PKD1L3: variants seen among roughly 807,000 people sequenced by gnomAD.
PKD1L3 encodes polycystin 1 like 3, transient receptor potential channel interacting.
A neutral mutation model predicts 184.1 loss-of-function variants in PKD1L3; 239 were observed. The observed-to-expected ratio is 1.30, with a 90% CI of 1.17 to 1.45. The LOEUF (loss-of-function observed/expected upper bound fraction) is 1.45. PKD1L3 is among the 40% of genes most tolerant of loss of function. PKD1L3 has a pLI of 0.00. For missense variants in PKD1L3, 2,660 were observed against 2,067.2 expected, an observed-to-expected ratio of 1.29 and a Z score of -5.56; for synonymous variants, 996 against 778.8, an observed-to-expected ratio of 1.28 and a Z score of -4.64.
intron 16 of PKD1L3, among the ~76,000 whole-genome samples, chr16:71,955,448 A>G (rs962400737): frequency 6.6e-6 from 1 of 152,100 alleles, no homozygotes; most frequent in African/African-American, 2.4e-5. Context: ...AACAAACAAA[A>G]AAAGGGGTGT....
chr16:71,986,905 A>G (rs116282072), intron 4 of PKD1L3, among the ~76,000 whole-genome samples: 1,526 of 143,068 alleles, frequency 0.011, 29 homozygotes, highest in African/African-American at 0.038. Flanking sequence ...GTTCAGTGGT[A>G]AGGAGAGGAT....
chr16:71,987,173 T>A (rs895378646), intron 4 of PKD1L3, among the ~76,000 whole-genome samples: 1 of 151,816 alleles, frequency 6.6e-6, no homozygotes, highest in African/African-American at 2.4e-5. Flanking sequence ...TCCACCCACC[T>A]TGGCCTCCCA....
intron 16 of PKD1L3, among the ~76,000 whole-genome samples, chr16:71,958,194 C>A (rs867479406): frequency 6.6e-6 from 1 of 150,852 alleles, no homozygotes; most frequent in Non-Finnish European, 1.5e-5. Flanking sequence ...GAGACCATCC[C>A]GGCTAAAACG....
chr16:71,983,027 G>A (rs978669850), intron 6 of PKD1L3, among the ~76,000 whole-genome samples: 2 of 152,174 alleles, frequency 1.3e-5, no homozygotes, highest in African/African-American at 4.8e-5. Flanking sequence ...CTATAAGGGA[G>A]GATTCATATT....
At chr16:71,958,918 C>A (rs71386942) in intron 16 of PKD1L3, among the ~76,000 whole-genome samples, 28,963 of 149,280 alleles carry the variant, frequency 0.19, 3,485 homozygotes, top group Non-Finnish European at 0.27. Flanking sequence ...GAAACGCCGT[C>A]TCTAATAAAA....
rs1269629498 is a variant in PKD1L3, at chr16:71,977,484, T to G, written c.1528-17A>C. 6.6e-7 allele frequency: 1 copy of G among 1,509,496 alleles called. No homozygotes were observed. The allele number at this position is 1,509,496 out of a possible 1,614,324, so 93.5% of individuals were successfully genotyped here. ...GAGCATGATCTAGAATAAGAGACAG[T>G]TAATCATTATAATGGTCCATCCATT... On this transcript the variant is annotated splice_polypyrimidine_tract_variant and intron_variant, in intron 10 of 29. Transcript: ENST00000620267.
At chr16:71,961,374 C>T (rs182594024) in intron 16 of PKD1L3, among the ~76,000 whole-genome samples, 1 of 152,262 alleles carries the variant, frequency 6.6e-6, no homozygotes, top group East Asian at 1.9e-4. Context: ...CTGCCCACCT[C>T]AGCCTCCCAA....
intron 28 of PKD1L3, 105 bp from the exon 29 acceptor site, chr16:71,930,288 T>C (rs2037894157): frequency 8.2e-7 from 1 of 1,219,538 alleles, no homozygotes; most frequent in Non-Finnish European, 1.1e-6. Context: ...GAAAAGCTTA[T>C]CCGAAGGAAA....
At chr16:71,959,420 C>T (rs2039183685) in intron 16 of PKD1L3, among the ~76,000 whole-genome samples, 2 of 151,828 alleles carry the variant, frequency 1.3e-5, no homozygotes, top group East Asian at 1.9e-4. Flanking sequence ...CAAAAACCAA[C>T]CAACTAAACA....
intron 4 of PKD1L3, among the ~76,000 whole-genome samples, chr16:71,988,642 A>T (rs2040472411): frequency 6.6e-6 from 1 of 152,190 alleles, no homozygotes; most frequent in South Asian, 2.1e-4. Flanking sequence ...TTCCAGCAAC[A>T]TATTATAGGG....
intron 4 of PKD1L3, among the ~76,000 whole-genome samples, chr16:71,987,225 G>A (rs1238115508): frequency 2.0e-5 from 3 of 148,280 alleles, no homozygotes; most frequent in Non-Finnish European, 4.5e-5. Flanking sequence ...ACCCGGCTGA[G>A]GAGAGGATTT....
intron 4 of PKD1L3, among the ~76,000 whole-genome samples, chr16:71,989,859 G>C (rs1270828345): frequency 6.6e-6 from 1 of 152,176 alleles, no homozygotes; most frequent in Admixed American, 6.5e-5. Context: ...TGAATTGCTT[G>C]AGGTCAGGAG....
At chr16:71,968,072 A>C in intron 13 of PKD1L3, 65 bp from the exon 14 acceptor site, 1 of 1,307,316 alleles carries the variant, frequency 7.6e-7, no homozygotes, top group Non-Finnish European at 1.1e-6. Context: ...TGCCTCCTCC[A>C]GCTGAGGAGC....
At chr16:71,995,139 C>T (rs1177447997) in intron 2 of PKD1L3, among the ~76,000 whole-genome samples, 1 of 152,274 alleles carries the variant, frequency 6.6e-6, no homozygotes, top group East Asian at 1.9e-4. Flanking sequence ...GAAGAAGGCA[C>T]TGGCACTTGG....
At chr16:71,973,044 G>C (rs1187506680) in intron 12 of PKD1L3, among the ~76,000 whole-genome samples, 1 of 152,174 alleles carries the variant, frequency 6.6e-6, no homozygotes, top group African/African-American at 2.4e-5. Context: ...AGAATTTTAT[G>C]GCTTCCACAC....
At chr16:71,955,493 G>A (rs1169581861) in intron 16 of PKD1L3, among the ~76,000 whole-genome samples, 2 of 151,796 alleles carry the variant, frequency 1.3e-5, no homozygotes, top group Admixed American at 6.6e-5. Flanking sequence ...ATATCATTTA[G>A]TTTTTTGTTT....
At chr16:71,999,102 T>G (rs1353011348) in intron 1 of PKD1L3, among the ~76,000 whole-genome samples, 6 of 151,868 alleles carry the variant, frequency 4.0e-5, no homozygotes, top group African/African-American at 1.5e-4. Flanking sequence ...AAACCCCGTC[T>G]CTACTAAAAA....
Position 71,980,022 on chromosome 16 carries a change from G to A in PKD1L3, c.1256C>T (p.Thr419Ile), listed in dbSNP as rs1037181145. ...SSVTLTSANA[T>I]LLLSRQNIST... ...TCCCATTAACCTGCTCAGCAGCAGA[G>A]TAGCATTGGCAGAGGTCAAAGTCAC... is the stretch of plus-strand genomic sequence containing the variant. The change falls in exon 8 of 30, where the codon ACT becomes ATT. Residue 419 changes from threonine to isoleucine, a missense_variant. By Grantham distance (89) the Thr-to-Ile change is moderately conservative. Coordinates refer to ENST00000620267, the MANE Select transcript of PKD1L3 (RefSeq NM_181536.2). 2 of 1,552,026 alleles carry A rather than the reference G, an allele frequency of 1.3e-6. No homozygotes were observed. Among genetic ancestry groups the A allele is most frequent in the Admixed American group, 3.9e-5 (2 of 50,972 alleles).
Position 71,951,567 on chromosome 16 carries a change from G to A in PKD1L3, c.3187C>T (p.Arg1063Cys), listed in dbSNP as rs191710858. 3.1e-4 allele frequency: 486 copies of A among 1,548,486 alleles called. No homozygotes were observed. The highest frequency in any genetic ancestry group is 4.0e-4 in the Non-Finnish European group (453 of 1,145,658). ...ACTGAAATCTACTGAAGTTTACCAC[G>A]TGCCCAGTGGCGCTCTCCCTGCTGA... ...CHQQGERHWA[R>C]VVPENHHHFC... The change falls in exon 19 of 30, where the codon CGT becomes TGT. Residue 1063 changes from arginine (R) to cysteine (C), a missense_variant. Physicochemically the swap from Arg to Cys is radical, Grantham distance 180. Transcript: ENST00000620267.
Sources: allele counts gnomAD v4.1 joint callset (sites outside exome capture counted in the v4.1 genomes callset), GRCh38; gene constraint gnomAD v4.1.1; transcripts MANE v1.5; gene names NCBI Gene and HGNC (gene_info 2026-07-23, HGNC 2026-07-21).